The following MYO5C variants were observed in gnomAD, a reference collection of about 807,000 sequenced individuals.
MYO5C encodes unconventional myosin-Vc.
Under a neutral mutation model 235.7 loss-of-function variants are expected in MYO5C, and 194 were observed. That is an observed-to-expected ratio of 0.82 (90% CI 0.73 to 0.93). The LOEUF (loss-of-function observed/expected upper bound fraction) is 0.93. Ranked by LOEUF, MYO5C falls within the 40% of genes least tolerant of loss-of-function variation. The probability of loss-of-function intolerance (pLI) is 0.00; values close to 1 mark genes in which losing one functional copy is unlikely to be tolerated. For synonymous variants in MYO5C, 707 were observed against 754.8 expected (o/e 0.94, Z 1.04); for missense variants, 2,038 against 2,127.2 (o/e 0.96, Z 0.82).
intron 19 of MYO5C, among the ~76,000 whole-genome samples, chr15:52,243,741 C>T (rs554053324): frequency 1.2e-4 from 18 of 152,342 alleles, no homozygotes; most frequent in South Asian, 8.3e-4. Flanking sequence ...CTGGAAGTCC[C>T]GGAATGACCG....
chr15:52,266,944 G>A (rs941751416), intron 8 of MYO5C, among the ~76,000 whole-genome samples: 1 of 152,186 alleles, frequency 6.6e-6, no homozygotes, highest in Non-Finnish European at 1.5e-5. Context: ...AATGCCTTGA[G>A]AGGACACGGT....
At chr15:52,227,981 C>T (rs1229419156) in intron 25 of MYO5C, among the ~76,000 whole-genome samples, 2 of 152,132 alleles carry the variant, frequency 1.3e-5, no homozygotes, top group South Asian at 2.1e-4. Flanking sequence ...CATTTAAGAA[C>T]GTAGGTACAC....
intron 38 of MYO5C, among the ~76,000 whole-genome samples, chr15:52,203,598 G>A (rs1169680200): frequency 6.6e-6 from 1 of 152,098 alleles, no homozygotes; most frequent in East Asian, 1.9e-4. Flanking sequence ...CACCCACCTC[G>A]GCCTCCCAAA....
intron 4 of MYO5C, chr15:52,277,193 C>T (rs1429997040): frequency 3.8e-6 from 2 of 530,350 alleles, no homozygotes; most frequent in African/African-American, 1.9e-5. Context: ...CTGAGGGACA[C>T]TACCTGTCTA....
At chr15:52,256,562 A>AACACAC (rs373248361) in intron 11 of MYO5C, 77 bp downstream of exon 11, 6,341 of 630,300 alleles carry the variant, frequency 0.01, 56 homozygotes, top group East Asian at 0.067. Context: ...TCTTTCCACG[A>AACACAC]ACACACACAC....
chr15:52,265,528 AACC>A (rs1441300153), intron 8 of MYO5C, among the ~76,000 whole-genome samples: 11 of 148,482 alleles, frequency 7.4e-5, no homozygotes, highest in Non-Finnish European at 1.5e-5. Context: ...ACAATTTCAA[AACC>A]TACAGTTTTT....
In MYO5C at chr15:52,278,970, C is replaced by T. The variant is rs1460003187; in HGVS notation, c.352G>A (p.Gly118Arg). The change falls in exon 4 of 41, where the codon GGA becomes AGA. Residue 118 changes from glycine (G) to arginine (R), a missense_variant. By Grantham distance (125) the Gly-to-Arg change is moderately radical. Coordinates refer to ENST00000261839, the MANE Select transcript of MYO5C (RefSeq NM_018728.4). ...CTGTAGGCGTGGATGATGGCATCTC[C>T]GTATATTGGCAACTGCTTGTAAGGA... ...MNPYKQLPIYGDAIIHAYSGQ... is the reference protein window; with the variant it reads ...MNPYKQLPIYRDAIIHAYSGQ... 4.3e-6 allele frequency: 7 copies of T among 1,613,932 alleles called. No individual in the cohort carries two copies. The highest frequency in any genetic ancestry group is 2.2e-5 in the East Asian group (1 of 44,860).
chr15:52,283,783 C>G, intron 1 of MYO5C, among the ~76,000 whole-genome samples: 1 of 152,002 alleles, frequency 6.6e-6, no homozygotes, highest in South Asian at 2.1e-4. Flanking sequence ...TCAAGTGATT[C>G]TCCTGCCTCA....
At chr15:52,219,724 G>C in intron 31 of MYO5C, 35 bp downstream of exon 31, 1 of 1,530,992 alleles carries the variant, frequency 6.5e-7, no homozygotes, top group East Asian at 2.3e-5. Flanking sequence ...CATTACACGA[G>C]CATGAACTTG....
chr15:52,255,688 A>C (rs1412369475), intron 11 of MYO5C, among the ~76,000 whole-genome samples: 3 of 152,220 alleles, frequency 2.0e-5, no homozygotes, highest in African/African-American at 4.8e-5. Context: ...TCTTGCATCT[A>C]GGGAACTGAT....
intron 1 of MYO5C, among the ~76,000 whole-genome samples, chr15:52,293,165 T>C (rs778814382): frequency 3.5e-4 from 54 of 152,182 alleles, no homozygotes; most frequent in Non-Finnish European, 6.8e-4. Context: ...CTGGCAGCGA[T>C]TGCTCCCCTC....
In MYO5C at chr15:52,205,058, T is replaced by A; in HGVS notation, c.4627A>T (p.Thr1543Ser). 2 of 1,614,212 alleles carry A rather than the reference T, an allele frequency of 1.2e-6. No individual in the cohort carries two copies. The highest frequency in any genetic ancestry group is 8.5e-7 in the Non-Finnish European group (1 of 1,180,034). ...ACGGAGGTCATGGTGTAGCCGTCCGTGTCGTCTATGCTAGAGGAGCGCTTC... is the reference window on the plus strand; with the variant it reads ...ACGGAGGTCATGGTGTAGCCGTCCGAGTCGTCTATGCTAGAGGAGCGCTTC... ...FRKRSSSIDDTDGYTMTSVLQ... is the reference protein window; with the variant it reads ...FRKRSSSIDDSDGYTMTSVLQ... Residue 1543 changes from threonine (T) to serine (S), a missense_variant, in exon 38 of 41, where the codon ACG becomes TCG. Physicochemically the swap from Thr to Ser is moderately conservative, Grantham distance 58. Transcript: ENST00000261839.
chr15:52,246,260 G>T (rs897999636), intron 16 of MYO5C, among the ~76,000 whole-genome samples: 9 of 152,204 alleles, frequency 5.9e-5, no homozygotes, highest in African/African-American at 2.2e-4. Flanking sequence ...CTCTGATGGA[G>T]GTGGCATTGA....
rs752521295 is a variant in MYO5C, at chr15:52,248,765, CT to C, written c.1680del (p.Gly561ValfsTer18). Reference protein sequence around the residue: ...HFADKVEYKCEGFLEKNRDTV... With the variant: ...HFADKVEYKCXGFLEKNRDTV... ...GTGTCTCTGTTTTTCTCCAGGAAAC[CT>C]TCACATTTATACTCTACCTATACAG... On this transcript the variant is annotated frameshift_variant, in exon 14 of 41. Coordinates refer to ENST00000261839, the MANE Select transcript of MYO5C (RefSeq NM_018728.4). LOFTEE classifies it high-confidence loss of function. 1.9e-6 allele frequency: 3 copies of C among 1,613,822 alleles called. No individual in the cohort carries two copies. The highest frequency in any genetic ancestry group is 2.5e-6 in the Non-Finnish European group (3 of 1,179,728).
intron 12 of MYO5C, 48 bp downstream of exon 12, chr15:52,253,269 T>A: frequency 6.4e-7 from 1 of 1,568,090 alleles, no homozygotes; most frequent in Non-Finnish European, 8.7e-7. Flanking sequence ...AAAATGCTCA[T>A]CTGTTACTAC....
chr15:52,283,514 G>A (rs79748106), intron 1 of MYO5C, among the ~76,000 whole-genome samples: 8,221 of 152,062 alleles, frequency 0.054, 447 homozygotes, highest in African/African-American at 0.14. Context: ...GCTCAGCGCC[G>A]ATGTACAAGT....
At position 52,194,835 on chromosome 15, in the gene MYO5C, G is replaced by A. The variant is rs553465077; in HGVS notation, c.5076+542C>T. ...ATATGTTATTTTGGTTGAAGTACAC[G>A]AAGAAAATCCACAGATAACTATTGA... is the stretch of plus-strand genomic sequence containing the variant. On this transcript the variant is annotated intron_variant, in intron 40 of 40. Coordinates refer to ENST00000261839, the MANE Select transcript of MYO5C (RefSeq NM_018728.4). Among the ~76,000 whole-genome samples, 614 of 151,798 alleles carry A rather than the reference G, an allele frequency of 4.0e-3. 1 individual carries two copies. Among genetic ancestry groups the A allele is most frequent in the Non-Finnish European group, 7.3e-3 (494 of 67,950 alleles).
intron 10 of MYO5C, among the ~76,000 whole-genome samples, chr15:52,260,512 G>A (rs538268099): frequency 5.3e-4 from 81 of 152,322 alleles, no homozygotes; most frequent in Middle Eastern, 3.4e-3. Flanking sequence ...CAATTGTGAC[G>A]AAGTTATTGA....
Position 52,229,174 on chromosome 15 carries a change from C to A in MYO5C, c.3166G>T (p.Gly1056Cys). 1.2e-6 allele frequency: 2 copies of A among 1,614,232 alleles called. No homozygotes were observed. The highest frequency in any genetic ancestry group is 1.7e-6 in the Non-Finnish European group (2 of 1,180,052). ...LVEGEHVTSD[G>C]LKAEVARLSK... ...AGGCGGGCCACTTCCGCCTTCAAGCCATCAGAAGTGACGTGCTCCCCCTCC... is the reference window on the plus strand; with the variant it reads ...AGGCGGGCCACTTCCGCCTTCAAGCAATCAGAAGTGACGTGCTCCCCCTCC... Residue 1056 changes from glycine (G) to cysteine (C), a missense_variant, in exon 25 of 41, where the codon GGC (glycine) becomes TGC (cysteine). Coordinates refer to ENST00000261839, the MANE Select transcript of MYO5C (RefSeq NM_018728.4).
Sources: allele counts gnomAD v4.1 joint callset (sites outside exome capture counted in the v4.1 genomes callset), GRCh38; gene constraint gnomAD v4.1.1; transcripts MANE v1.5; gene names NCBI Gene and HGNC (gene_info 2026-07-23, HGNC 2026-07-21).